Variants in PLCL2 observed in about 807,000 individuals in gnomAD.
The protein encoded by PLCL2 is phospholipase C like 2.
In PLCL2, 4 loss-of-function variants were observed where a neutral mutation model predicts 79.6. That is an observed-to-expected ratio of 0.05 (90% confidence interval 0.02 to 0.11). The LOEUF (loss-of-function observed/expected upper bound fraction) is 0.11. Ranked by LOEUF, PLCL2 falls within the 10% of genes least tolerant of loss-of-function variation. The pLI, the probability that PLCL2 is intolerant of heterozygous loss-of-function variation, is 1.00. For missense variants in PLCL2, 895 were observed against 1,291.0 expected (o/e 0.69, Z 4.70); for synonymous variants, 484 against 457.7 (o/e 1.06, Z -0.73).
At chr3:16,964,505 G>A (rs2063786098) in intron 1 of PLCL2, among the ~76,000 whole-genome samples, 1 of 152,180 alleles carries the variant, frequency 6.6e-6, no homozygotes, top group Admixed American at 6.5e-5. Context: ...CTTTATAGCA[G>A]CATGATTATA....
intron 3 of PLCL2, among the ~76,000 whole-genome samples, chr3:17,038,398 T>G (rs925727075): frequency 6.6e-6 from 1 of 152,244 alleles, no homozygotes; most frequent in African/African-American, 2.4e-5. Context: ...TTGATGAAAT[T>G]CATGCATTTG....
intron 3 of PLCL2, among the ~76,000 whole-genome samples, chr3:17,035,220 C>G (rs558639615): frequency 6.6e-6 from 1 of 152,306 alleles, no homozygotes; most frequent in East Asian, 1.9e-4. Flanking sequence ...TTCAATTCAA[C>G]TAAGCTGGAA....
intron 1 of PLCL2, among the ~76,000 whole-genome samples, chr3:16,904,959 T>A (rs1559481754): frequency 6.6e-6 from 1 of 152,182 alleles, no homozygotes; most frequent in Non-Finnish European, 1.5e-5. Flanking sequence ...TAAACCTCTT[T>A]CTTTTATGAA....
At chr3:16,907,899 A>G (rs1047735908) in intron 1 of PLCL2, among the ~76,000 whole-genome samples, 3 of 152,180 alleles carry the variant, frequency 2.0e-5, no homozygotes, top group Non-Finnish European at 4.4e-5. Context: ...ATTGTATTCA[A>G]TTTGTTTTAT....
intron 1 of PLCL2, among the ~76,000 whole-genome samples, chr3:16,980,415 C>G (rs1211070156): frequency 6.7e-6 from 1 of 148,306 alleles, no homozygotes; most frequent in African/African-American, 2.5e-5. Flanking sequence ...CCTCACTTCT[C>G]AGACGGGGCG....
At chr3:17,035,250 T>C in intron 3 of PLCL2, among the ~76,000 whole-genome samples, 1 of 150,720 alleles carries the variant, frequency 6.6e-6, no homozygotes, top group East Asian at 1.9e-4. Context: ...CTAAATACGT[T>C]AACATACTTA....
chr3:16,996,870 C>T (rs2064158834), intron 1 of PLCL2, among the ~76,000 whole-genome samples: 1 of 152,030 alleles, frequency 6.6e-6, no homozygotes, highest in Admixed American at 6.6e-5. Flanking sequence ...GTTGAAAAAT[C>T]TTAAAATTTA....
intron 1 of PLCL2, among the ~76,000 whole-genome samples, chr3:16,938,840 C>T (rs1010092814): frequency 6.6e-6 from 1 of 152,112 alleles, no homozygotes; most frequent in Non-Finnish European, 1.5e-5. Context: ...GTACCTGAAA[C>T]AGAGATAGCT....
intron 1 of PLCL2, among the ~76,000 whole-genome samples, chr3:16,977,116 A>G (rs984333954): frequency 4.6e-5 from 7 of 151,162 alleles, no homozygotes; most frequent in African/African-American, 9.8e-5. Flanking sequence ...TTGAATACGC[A>G]CACACACACA....
intron 4 of PLCL2, among the ~76,000 whole-genome samples, chr3:17,066,799 A>G (rs943810236): frequency 3.9e-5 from 6 of 152,226 alleles, no homozygotes; most frequent in African/African-American, 1.4e-4. Context: ...AGGACACTGT[A>G]CATAGTATGC....
intron 4 of PLCL2, among the ~76,000 whole-genome samples, chr3:17,056,125 C>G (rs1368274252): frequency 6.6e-6 from 1 of 152,156 alleles, no homozygotes; most frequent in Non-Finnish European, 1.5e-5. Context: ...GTCATCTCAG[C>G]AGATGTTCTG....
At chr3:17,022,329 T>C (rs1016711213) in intron 3 of PLCL2, among the ~76,000 whole-genome samples, 4 of 152,184 alleles carry the variant, frequency 2.6e-5, no homozygotes, top group African/African-American at 9.6e-5. Flanking sequence ...TTACTTCCTA[T>C]GTTCCCATCA....
intron 1 of PLCL2, among the ~76,000 whole-genome samples, chr3:16,914,538 TTGG>T (rs1696949880): frequency 6.6e-6 from 1 of 151,840 alleles, no homozygotes; most frequent in African/African-American, 2.4e-5. Context: ...TTTTTTTCTC[TTGG>T]TGGTCCAATT....
chr3:17,048,466 T>A (rs2064804868), intron 4 of PLCL2, among the ~76,000 whole-genome samples: 1 of 152,228 alleles, frequency 6.6e-6, no homozygotes, highest in South Asian at 2.1e-4. Context: ...GTCTATTTTA[T>A]CATTTACTGC....
At chr3:16,963,473 A>T (rs927900006) in intron 1 of PLCL2, among the ~76,000 whole-genome samples, 3 of 152,188 alleles carry the variant, frequency 2.0e-5, no homozygotes. Context: ...AATAGATATT[A>T]TAAAATCAAA....
intron 1 of PLCL2, among the ~76,000 whole-genome samples, chr3:16,940,992 C>T (rs536538301): frequency 1.3e-4 from 20 of 152,268 alleles, no homozygotes; most frequent in African/African-American, 4.6e-4. Context: ...ATGCTACGAG[C>T]CCTTGGCTTC....
At chr3:16,994,368 A>C (rs554033126) in intron 1 of PLCL2, among the ~76,000 whole-genome samples, 10 of 152,246 alleles carry the variant, frequency 6.6e-5, no homozygotes, top group Non-Finnish European at 1.2e-4. Context: ...ATGGCTTTTA[A>C]TTAAAAAAAA....
intron 1 of PLCL2, among the ~76,000 whole-genome samples, chr3:16,901,907 G>T (rs1218668492): frequency 6.6e-6 from 1 of 152,082 alleles, no homozygotes; most frequent in East Asian, 1.9e-4. Context: ...GATCATCAGG[G>T]CTGTCTGTGC....
chr3:17,052,531 A>G (rs2064853197), intron 4 of PLCL2, among the ~76,000 whole-genome samples: 1 of 152,200 alleles, frequency 6.6e-6, no homozygotes, highest in South Asian at 2.1e-4. Context: ...CAAAAAGTGG[A>G]AGAAGTACTG....
Sources: gnomAD v4.1 joint callset for allele counts (sites outside exome capture counted in the v4.1 genomes callset) on GRCh38, gnomAD v4.1.1 for gene constraint, MANE v1.5 for transcripts, NCBI Gene and HGNC (gene_info 2026-07-23, HGNC 2026-07-21) for gene names.